The following GFM1 variants were observed in gnomAD, a reference collection of about 807,000 sequenced individuals.
GFM1 encodes G elongation factor mitochondrial 1.
Under a neutral mutation model 96.2 loss-of-function variants are expected in GFM1, and 62 were observed. The observed-to-expected ratio is 0.64, with a 90% CI of 0.53 to 0.80. The LOEUF (loss-of-function observed/expected upper bound fraction) is 0.80. GFM1 is among the 30% of genes least tolerant of loss of function. The pLI is 0.00. For synonymous variants in GFM1, 282 were observed against 312.9 expected (o/e 0.90, Z 1.04); for missense variants, 852 against 916.6 (o/e 0.93, Z 0.91).
Position 158,691,599 on chromosome 3 carries a change from C to T in GFM1, c.*132C>T. The T allele has an allele frequency of 1.1e-6, 1 of 905,484 alleles. No homozygotes were observed. Among genetic ancestry groups the T allele is most frequent in the East Asian group, 2.5e-5 (1 of 40,030 alleles). The allele number at this position is 905,484 out of a possible 1,614,324, so 56.1% of individuals were successfully genotyped here. A position where few individuals can be genotyped will look rare whatever the true frequency, so the allele number is the denominator to read the frequency against. Reference sequence around the variant, plus strand: ...CCCAGGAAGCGGGCTCTTCTTTCTTCAAAAGAAGCCCTTCTTGTTCATATT... The same window carrying T: ...CCCAGGAAGCGGGCTCTTCTTTCTTTAAAAGAAGCCCTTCTTGTTCATATT... On this transcript the variant is annotated 3_prime_UTR_variant, in exon 18 of 18. Coordinates refer to ENST00000486715, the MANE Select transcript of GFM1 (RefSeq NM_024996.7).
intron 8 of GFM1, among the ~76,000 whole-genome samples, chr3:158,655,035 G>A (rs1339753387): frequency 1.3e-5 from 2 of 152,086 alleles, no homozygotes; most frequent in Non-Finnish European, 2.9e-5. Context: ...TTGTTTCCAG[G>A]TTTCTACTGT....
rs1429630289 is a variant in GFM1, at chr3:158,693,295, T to C, written c.*1828T>C. 2.0e-5 allele frequency: 3 copies of C among 152,246 alleles called. No homozygotes were observed. The highest frequency in any genetic ancestry group is 4.4e-5 in the Non-Finnish European group (3 of 68,038). The allele number at this position is 152,246 out of a possible 1,614,324, so 9.4% of individuals were successfully genotyped here. A position where few individuals can be genotyped will look rare whatever the true frequency, so the allele number is the denominator to read the frequency against. ...TTGTTCCTAATGAGGAAATACATTC[T>C]GTGTACCTTCATGGAATTTAGCATG... On this transcript the variant is annotated 3_prime_UTR_variant, in exon 18 of 18. Transcript: ENST00000486715.
intron 13 of GFM1, among the ~76,000 whole-genome samples, chr3:158,678,285 T>C (rs1349790483): frequency 6.6e-6 from 1 of 152,224 alleles, no homozygotes; most frequent in South Asian, 2.1e-4. Flanking sequence ...TCAAGTCTTA[T>C]TATTTAAGAA....
At position 158,691,728 on chromosome 3, in the gene GFM1, G is replaced by T; in HGVS notation, c.*261G>T. ...CCTCAAATAAAATATAATTATTACT[G>T]AAATATGTTTAATATTTAAGGGGAA... is the stretch of plus-strand genomic sequence containing the variant. On this transcript the variant is annotated 3_prime_UTR_variant, in exon 18 of 18. Transcript: ENST00000486715. 3.1e-6 allele frequency: 1 copy of T among 327,222 alleles called. No homozygotes were observed. The highest frequency in any genetic ancestry group is 5.7e-6 in the Non-Finnish European group (1 of 173,974). 20.3% of individuals were successfully genotyped at this position (327,222 alleles called of 1,614,324 possible). A position where few individuals can be genotyped will look rare whatever the true frequency, so the allele number is the denominator to read the frequency against.
chr3:158,685,051 GTA>G (rs1725725696), intron 15 of GFM1: 1 of 177,922 alleles, frequency 5.6e-6, no homozygotes, highest in East Asian at 1.5e-4. Context: ...AAATTTGTAA[GTA>G]ATCTCTTCAT....
chr3:158,659,172 A>C (rs1722999645), intron 9 of GFM1, 113 bp downstream of exon 9: 3 of 1,215,650 alleles, frequency 2.5e-6, no homozygotes, highest in African/African-American at 1.5e-5. Context: ...ATATGTTTCT[A>C]GTTTCTTTCT....
intron 15 of GFM1, among the ~76,000 whole-genome samples, chr3:158,687,407 T>G (rs1725950696): frequency 6.6e-6 from 1 of 152,144 alleles, no homozygotes. Flanking sequence ...GATTTTTATT[T>G]CTCCATGATT....
Position 158,682,114 on chromosome 3 carries a change from T to G in GFM1, c.1721T>G (p.Phe574Cys). The G allele has an allele frequency of 6.2e-7, 1 of 1,613,882 alleles. No homozygotes were observed. The highest frequency in any genetic ancestry group is 8.5e-7 in the Non-Finnish European group (1 of 1,179,882). The change falls in exon 14 of 18, where the codon TTC (phenylalanine) becomes TGC (cysteine). Residue 574 changes from phenylalanine (F) to cysteine (C), a missense_variant. Coordinates refer to ENST00000486715, the MANE Select transcript of GFM1 (RefSeq NM_024996.7). ...AAATTGGAATTTTCAGATGAAACAT[T>G]CGGATCAAATATTCCAAAGCAGTTT... ...YTKLEFSDET[F>C]GSNIPKQFVP... is the part of the protein sequence containing the mutation.
At chr3:158,677,954 A>G (rs1163703533) in intron 13 of GFM1, among the ~76,000 whole-genome samples, 1 of 152,248 alleles carries the variant, frequency 6.6e-6, no homozygotes, top group African/African-American at 2.4e-5. Context: ...GCAGCTGGTG[A>G]CTAAGTTTGA....
At chr3:158,649,241 G>A (rs2108009983) in intron 5 of GFM1, 84 bp downstream of exon 5, 1 of 703,462 alleles carries the variant, frequency 1.4e-6, no homozygotes, top group South Asian at 1.5e-5. Context: ...CAAACGCAGA[G>A]TAACTATCTT....
chr3:158,668,818 C>G (rs1723976594), intron 13 of GFM1, among the ~76,000 whole-genome samples: 1 of 152,194 alleles, frequency 6.6e-6, no homozygotes, highest in African/African-American at 2.4e-5. Context: ...TTGCTTTGGA[C>G]TCTTCCTACA....
chr3:158,658,915 C>T lies in GFM1; in HGVS notation c.1084-7C>T, dbSNP rs1722973856. 2 of 1,614,054 alleles carry T rather than the reference C, an allele frequency of 1.2e-6. No homozygotes were observed. Among genetic ancestry groups the T allele is most frequent in the Non-Finnish European group, 1.7e-6 (2 of 1,179,954 alleles). On this transcript the variant is annotated splice_region_variant and splice_polypyrimidine_tract_variant and intron_variant, in intron 8 of 17. Coordinates refer to ENST00000486715, the MANE Select transcript of GFM1 (RefSeq NM_024996.7). ...TCTTCCTGCCCTTACCCAATCTTGA[C>T]TTCTAGGTAGGTCGATTTGGACAAT...
chr3:158,649,306 T>C (rs1722103772), intron 5 of GFM1, 149 bp downstream of exon 5: 1 of 543,100 alleles, frequency 1.8e-6, no homozygotes, highest in Non-Finnish European at 3.3e-6. Flanking sequence ...ATACCTTTAA[T>C]CCTAGTCGCT....
At chr3:158,666,557 G>T in intron 13 of GFM1, 171 bp downstream of exon 13, 1 of 1,250,336 alleles carries the variant, frequency 8.0e-7, no homozygotes, top group Non-Finnish European at 1.2e-6. Context: ...GTGACACTTT[G>T]GGATTATTTG....
intron 13 of GFM1, chr3:158,670,956 C>A: frequency 6.6e-7 from 1 of 1,524,764 alleles, no homozygotes; most frequent in Non-Finnish European, 8.8e-7. Context: ...ATTTAACTTA[C>A]TTTTTGTATA....
chr3:158,678,579 T>C (rs1297819425), intron 13 of GFM1, among the ~76,000 whole-genome samples: 1 of 152,232 alleles, frequency 6.6e-6, no homozygotes, highest in African/African-American at 2.4e-5. Context: ...GTGACTGAAG[T>C]CCTACAATTT....
Position 158,682,050 on chromosome 3 carries a change from A to C in GFM1, c.1657A>C (p.Ile553Leu). 1 of 1,613,766 alleles carries C rather than the reference A, an allele frequency of 6.2e-7. No homozygotes were observed. Among genetic ancestry groups the C allele is most frequent in the Non-Finnish European group, 8.5e-7 (1 of 1,179,758 alleles). Residue 553 changes from isoleucine (I) to leucine (L), a missense_variant, in exon 14 of 18, where the codon ATA (isoleucine) becomes CTA (leucine). Coordinates refer to ENST00000486715, the MANE Select transcript of GFM1 (RefSeq NM_024996.7). The part of the protein sequence containing the change: ...SGGAGQYGKV[I>L]GVLEPLDPED... ...TGGTGCAGGCCAGTATGGAAAAGTA[A>C]TAGGTGTCCTGGAGCCTCTGGACCC...
chr3:158,682,123 A>G lies in GFM1; in HGVS notation c.1730A>G (p.Asn577Ser). 2 of 1,613,900 alleles carry G rather than the reference A, an allele frequency of 1.2e-6. No homozygotes were observed. The highest frequency in any genetic ancestry group is 1.7e-6 in the Non-Finnish European group (2 of 1,179,894). The change falls in exon 14 of 18, where the codon AAT (asparagine) becomes AGT (serine). Residue 577 changes from asparagine to serine, a missense_variant. Transcript: ENST00000486715. ...TTTTCAGATGAAACATTCGGATCAA[A>G]TATTCCAAAGCAGTTTGTGCCTGCT... is the stretch of plus-strand genomic sequence containing the variant. Reference protein sequence around the residue: ...LEFSDETFGSNIPKQFVPAVE... With the variant: ...LEFSDETFGSSIPKQFVPAVE...
At chr3:158,660,486 G>C (rs1723115596) in intron 9 of GFM1, 1 of 241,498 alleles carries the variant, frequency 4.1e-6, no homozygotes, top group Admixed American at 5.2e-5. Context: ...GACCTCAGGT[G>C]ATCCACTCGC....
Sources: gnomAD v4.1 joint callset for allele counts (sites outside exome capture counted in the v4.1 genomes callset) on GRCh38, gnomAD v4.1.1 for gene constraint, MANE v1.5 for transcripts, NCBI Gene and HGNC (gene_info 2026-07-23, HGNC 2026-07-21) for gene names.